RALGAPA2: variants seen among roughly 807,000 people sequenced by gnomAD.
RALGAPA2 encodes ral GTPase-activating protein subunit alpha-2.
RALGAPA2 carries 139 observed loss-of-function variants against 230.4 expected under a neutral mutation model. The ratio of observed to expected loss-of-function variants is 0.60; its 90% CI spans 0.53 to 0.69. The LOEUF (loss-of-function observed/expected upper bound fraction) is 0.69. RALGAPA2 is among the 30% of genes least tolerant of loss of function. The pLI is 0.00. For synonymous variants in RALGAPA2, 847 were observed against 837.8 expected, an observed-to-expected ratio of 1.01 and a Z score of -0.19; for missense variants, 2,163 against 2,276.0, an observed-to-expected ratio of 0.95 and a Z score of 1.01.
intron 23 of RALGAPA2, among the ~76,000 whole-genome samples, chr20:20,555,156 C>T (rs13040780): frequency 0.016 from 2,503 of 152,262 alleles, 22 homozygotes; most frequent in Non-Finnish European, 0.027. Context: ...CCAGTTGTCC[C>T]AGCATCACCT....
At chr20:20,414,071 C>T (rs1050292794) in intron 37 of RALGAPA2, among the ~76,000 whole-genome samples, 1 of 152,226 alleles carries the variant, frequency 6.6e-6, no homozygotes, top group African/African-American at 2.4e-5. Flanking sequence ...CCTGAGTGGC[C>T]GTCTGGCGAA....
At chr20:20,432,431 G>A (rs1452280674) in intron 37 of RALGAPA2, among the ~76,000 whole-genome samples, 2 of 152,160 alleles carry the variant, frequency 1.3e-5, no homozygotes, top group African/African-American at 2.4e-5. Flanking sequence ...AAAGGTGAGC[G>A]CCGTATATAT....
chr20:20,501,077 GAGTAGATTTAGCATAATGTTTA>G (rs1182974245), intron 35 of RALGAPA2, among the ~76,000 whole-genome samples: 1 of 152,210 alleles, frequency 6.6e-6, no homozygotes, highest in Non-Finnish European at 1.5e-5. Context: ...AGCACAGGTA[GAGTAGATTTAGCATAATGTTTA>G]AGGGCCCTAG....
intron 16 of RALGAPA2, among the ~76,000 whole-genome samples, chr20:20,598,507 C>T (rs2065532251): frequency 6.6e-6 from 1 of 152,032 alleles, no homozygotes; most frequent in Non-Finnish European, 1.5e-5. Context: ...ATCTAATTGC[C>T]ATTAAGTATC....
At chr20:20,664,829 A>G (rs2067906152) in intron 3 of RALGAPA2, among the ~76,000 whole-genome samples, 4 of 152,196 alleles carry the variant, frequency 2.6e-5, no homozygotes, top group Admixed American at 2.0e-4. Context: ...CCTCAGCACA[A>G]TTAGAAAGCA....
In RALGAPA2 at chr20:20,531,696, T is replaced by C; in HGVS notation, c.3573A>G (p.Val1191=). Residue 1191 remains valine (V), a synonymous_variant, in exon 27 of 40, where the codon GTA becomes GTG. Coordinates refer to ENST00000202677, the MANE Select transcript of RALGAPA2 (RefSeq NM_020343.4). The part of the protein sequence containing the change: ...QVKEAINVIG[V]TLKFPNKIVA... ...CACAAACTGGTAATACCTTCAGAGTTACTCCTATCACATTGATGGCCTCTT... is the reference window on the plus strand; with the variant it reads ...CACAAACTGGTAATACCTTCAGAGTCACTCCTATCACATTGATGGCCTCTT... 6.2e-7 allele frequency: 1 copy of C among 1,601,780 alleles called. No individual in the cohort carries two copies.
At chr20:20,665,729 G>T (rs1354248492) in intron 3 of RALGAPA2, among the ~76,000 whole-genome samples, 2 of 152,148 alleles carry the variant, frequency 1.3e-5, no homozygotes, top group African/African-American at 4.8e-5. Context: ...CCCACCTTCC[G>T]GTTTGTACAG....
intron 7 of RALGAPA2, among the ~76,000 whole-genome samples, chr20:20,639,518 T>C (rs1959596309): frequency 6.6e-6 from 1 of 152,112 alleles, no homozygotes; most frequent in African/African-American, 2.4e-5. Flanking sequence ...TCCTTCAACC[T>C]GTCTTGCAAG....
intron 13 of RALGAPA2, among the ~76,000 whole-genome samples, chr20:20,615,162 CT>C (rs58165861): frequency 0.019 from 2,690 of 138,820 alleles, 25 homozygotes; most frequent in Non-Finnish European, 0.021. Context: ...AACGTGAGGA[CT>C]TTTTTTTTTT....
intron 24 of RALGAPA2, among the ~76,000 whole-genome samples, chr20:20,539,980 G>A (rs1024357704): frequency 2.6e-5 from 4 of 152,202 alleles, no homozygotes; most frequent in African/African-American, 9.7e-5. Flanking sequence ...CTGGAGATAT[G>A]TACCACATTT....
intron 23 of RALGAPA2, among the ~76,000 whole-genome samples, chr20:20,550,537 G>A (rs1393157015): frequency 1.3e-5 from 2 of 152,114 alleles, no homozygotes; most frequent in South Asian, 2.1e-4. Context: ...AGGAGGAAAG[G>A]GGCCATCCTT....
At chr20:20,510,549 T>A (rs952973130) in intron 33 of RALGAPA2, among the ~76,000 whole-genome samples, 4 of 152,028 alleles carry the variant, frequency 2.6e-5, no homozygotes, top group Admixed American at 2.6e-4. Flanking sequence ...TAGAGTTTTT[T>A]AAAAAACTAA....
At chr20:20,605,792 C>G (rs1446557138) in intron 14 of RALGAPA2, among the ~76,000 whole-genome samples, 1 of 152,182 alleles carries the variant, frequency 6.6e-6, no homozygotes, top group Non-Finnish European at 1.5e-5. Flanking sequence ...CCACCAAATC[C>G]TCCCTGACTT....
In RALGAPA2 at chr20:20,605,291, G is replaced by T. The variant is rs1272533763; in HGVS notation, c.1922C>A (p.Ala641Asp). The part of the protein sequence containing the change: ...TEWEELINEW[A>D]NIMDSLTAVL... ...TGCTGTCAAGGAGTCCATAATGTTG[G>T]CCCACTCGTTTATAAGTTCCTCCCA... The change falls in exon 15 of 40, where the codon GCC (alanine) becomes GAC (aspartate). Residue 641 changes from alanine to aspartate, a missense_variant. Physicochemically the swap from Ala to Asp is moderately radical, Grantham distance 126. Coordinates refer to ENST00000202677, the MANE Select transcript of RALGAPA2 (RefSeq NM_020343.4). 1.2e-6 allele frequency: 2 copies of T among 1,613,616 alleles called. No homozygotes were observed. The highest frequency in any genetic ancestry group is 3.3e-5 in the Admixed American group (2 of 59,992).
At chr20:20,614,295 A>G (rs1377181724) in intron 13 of RALGAPA2, among the ~76,000 whole-genome samples, 2 of 152,260 alleles carry the variant, frequency 1.3e-5, no homozygotes, top group African/African-American at 4.8e-5. Flanking sequence ...AAAACAGAAC[A>G]GAATTGCTTA....
chr20:20,661,189 C>T (rs942645738), intron 3 of RALGAPA2, among the ~76,000 whole-genome samples: 2 of 152,082 alleles, frequency 1.3e-5, no homozygotes, highest in Admixed American at 1.3e-4. Flanking sequence ...GACAGAGCCT[C>T]GCTCTGTTTC....
intron 38 of RALGAPA2, among the ~76,000 whole-genome samples, 173 bp downstream of exon 38, chr20:20,411,854 G>C (rs1010421966): frequency 1.3e-5 from 2 of 152,154 alleles, no homozygotes; most frequent in African/African-American, 2.4e-5. Context: ...TGAACAGCTC[G>C]AATACAAAAC....
Position 20,620,549 on chromosome 20 carries a change from G to T in RALGAPA2, c.1315C>A (p.Pro439Thr). ...VYRKWILQDKPVFMEEPDRKD... is the reference protein window; with the variant it reads ...VYRKWILQDKTVFMEEPDRKD... ...CTATCTGGCTCCTCCATGAACACAGGTTTGTCCTGGAGAATCCACTTTCTG... is the reference window on the plus strand; with the variant it reads ...CTATCTGGCTCCTCCATGAACACAGTTTTGTCCTGGAGAATCCACTTTCTG... The change falls in exon 11 of 40, where the codon CCT (proline) becomes ACT (threonine). Residue 439 changes from proline (P) to threonine (T), a missense_variant. By Grantham distance (38) the Pro-to-Thr change is conservative. Coordinates refer to ENST00000202677, the MANE Select transcript of RALGAPA2 (RefSeq NM_020343.4). 6.2e-7 allele frequency: 1 copy of T among 1,613,806 alleles called. No individual in the cohort carries two copies. The highest frequency in any genetic ancestry group is 8.5e-7 in the Non-Finnish European group (1 of 1,179,784).
chr20:20,420,983 A>C (rs1336881969), intron 37 of RALGAPA2, among the ~76,000 whole-genome samples: 1 of 152,216 alleles, frequency 6.6e-6, no homozygotes, highest in East Asian at 1.9e-4. Context: ...ATTTTTGAGC[A>C]ATGTTTTGAG....
Sources: allele counts gnomAD v4.1 joint callset (sites outside exome capture counted in the v4.1 genomes callset), GRCh38; gene constraint gnomAD v4.1.1; transcripts MANE v1.5; gene names NCBI Gene and HGNC (gene_info 2026-07-23, HGNC 2026-07-21).